C8orf34: variants seen among roughly 807,000 people sequenced by gnomAD.
C8orf34 encodes the protein uncharacterized protein C8orf34.
In C8orf34, 65 loss-of-function variants were observed where a neutral mutation model predicts 68.3. The ratio of observed to expected loss-of-function variants is 0.95; its 90% CI spans 0.78 to 1.17. The LOEUF is 1.17. C8orf34 is among the 50% of genes most tolerant of loss of function. C8orf34 has a pLI of 0.00. For synonymous variants in C8orf34, 244 were observed against 241.2 expected (o/e 1.01, Z -0.11); for missense variants, 664 against 655.4 (o/e 1.01, Z -0.14).
At chr8:68,458,736 G>A (rs1028943293) in intron 3 of C8orf34, among the ~76,000 whole-genome samples, 8 of 152,132 alleles carry the variant, frequency 5.3e-5, no homozygotes, top group African/African-American at 1.2e-4. Context: ...CATGGGCCTC[G>A]AAGTGTTTTC....
intron 1 of C8orf34, among the ~76,000 whole-genome samples, chr8:68,385,673 A>G (rs1808229474): frequency 6.6e-6 from 1 of 152,106 alleles, no homozygotes; most frequent in African/African-American, 2.4e-5. Context: ...TTTCCAGACA[A>G]TTGGAAAAGC....
chr8:68,422,640 G>A (rs1257696129), intron 1 of C8orf34, among the ~76,000 whole-genome samples: 1 of 152,206 alleles, frequency 6.6e-6, no homozygotes, highest in Admixed American at 6.5e-5. Context: ...GGGGTCTGGT[G>A]GATGGTAGCC....
intron 7 of C8orf34, among the ~76,000 whole-genome samples, chr8:68,589,418 G>T (rs1173711545): frequency 6.7e-6 from 1 of 149,880 alleles, no homozygotes; most frequent in East Asian, 2.0e-4. Flanking sequence ...AATAAGAGGT[G>T]GGAGAGAAAA....
At chr8:68,738,353 A>C (rs1236391800) in intron 10 of C8orf34, among the ~76,000 whole-genome samples, 1 of 152,092 alleles carries the variant, frequency 6.6e-6, no homozygotes, top group African/African-American at 2.4e-5. Context: ...AGTTAGAAAG[A>C]TCTCAATTTA....
intron 7 of C8orf34, among the ~76,000 whole-genome samples, chr8:68,552,825 G>A (rs1462567049): frequency 7.4e-6 from 1 of 135,906 alleles, no homozygotes; most frequent in African/African-American, 2.7e-5. Context: ...AGATGATCAT[G>A]TGGTTTTTAT....
At chr8:68,383,442 A>T (rs967799319) in intron 1 of C8orf34, among the ~76,000 whole-genome samples, 3 of 152,136 alleles carry the variant, frequency 2.0e-5, no homozygotes, top group African/African-American at 7.2e-5. Context: ...CCCATCATGA[A>T]ATTTTTCTTC....
chr8:68,769,601 C>T (rs995042397), intron 10 of C8orf34, among the ~76,000 whole-genome samples: 2 of 152,102 alleles, frequency 1.3e-5, no homozygotes, highest in African/African-American at 4.8e-5. Context: ...GAGTTTATTG[C>T]ACATTCAGCA....
chr8:68,794,269 T>C (rs1254058614), intron 12 of C8orf34, among the ~76,000 whole-genome samples: 1 of 151,256 alleles, frequency 6.6e-6, no homozygotes, highest in Non-Finnish European at 1.5e-5. Flanking sequence ...CCTCCAGGGC[T>C]CAAGCGATCC....
chr8:68,534,665 C>T (rs1815386899), intron 7 of C8orf34: 1 of 985,464 alleles, frequency 1.0e-6, no homozygotes, highest in Non-Finnish European at 1.2e-6. Flanking sequence ...GGTTTGCTCA[C>T]GTAGGTATGG....
At chr8:68,811,069 T>C (rs890802329) in intron 12 of C8orf34, among the ~76,000 whole-genome samples, 18 of 152,178 alleles carry the variant, frequency 1.2e-4, no homozygotes, top group African/African-American at 3.1e-4. Flanking sequence ...ACGGTGCCCA[T>C]GGTGCCCAGG....
At chr8:68,480,430 G>T (rs1310590171) in intron 4 of C8orf34, among the ~76,000 whole-genome samples, 1 of 152,170 alleles carries the variant, frequency 6.6e-6, no homozygotes, top group African/African-American at 2.4e-5. Flanking sequence ...ACAGTAAATT[G>T]TTACTGAGAG....
Position 68,607,588 on chromosome 8 carries a change from C to T in C8orf34, c.1106-32788C>T, listed in dbSNP as rs546759350. Among the ~76,000 whole-genome samples the T allele has an allele frequency of 2.6e-5, 4 of 152,198 alleles. No individual in the cohort carries two copies. In the South Asian group the frequency reaches 8.3e-4, roughly 32 times the overall value. Reference sequence around the variant, plus strand: ...CATTCTAAGGTACTGGGAGTTAGGACTTCAACATATGAAATTTGGGGAAAA... The same window carrying T: ...CATTCTAAGGTACTGGGAGTTAGGATTTCAACATATGAAATTTGGGGAAAA... On this transcript the variant is annotated intron_variant, in intron 7 of 13. Transcript: ENST00000518698.
intron 1 of C8orf34, among the ~76,000 whole-genome samples, chr8:68,397,258 C>G (rs1026174142): frequency 6.6e-6 from 1 of 152,070 alleles, no homozygotes; most frequent in African/African-American, 2.4e-5. Flanking sequence ...CCCCTCTCAG[C>G]TTCCCAAAGT....
intron 7 of C8orf34, among the ~76,000 whole-genome samples, chr8:68,617,647 G>T (rs1586459720): frequency 6.6e-6 from 1 of 152,240 alleles, no homozygotes. Flanking sequence ...TTTCTGCTGA[G>T]AGATCCGCTG....
intron 8 of C8orf34, among the ~76,000 whole-genome samples, chr8:68,643,891 A>C (rs1251381087): frequency 1.3e-5 from 2 of 152,182 alleles, no homozygotes; most frequent in South Asian, 2.1e-4. Context: ...TATTCTGGAA[A>C]TACTTCACAG....
chr8:68,783,375 G>C (rs1305543218), intron 11 of C8orf34, among the ~76,000 whole-genome samples: 3 of 152,036 alleles, frequency 2.0e-5, no homozygotes, highest in African/African-American at 7.2e-5. Context: ...AAAATTATCT[G>C]AGCATGGAGG....
At chr8:68,715,880 G>T (rs1341154989) in intron 9 of C8orf34, among the ~76,000 whole-genome samples, 4 of 152,120 alleles carry the variant, frequency 2.6e-5, no homozygotes, top group Non-Finnish European at 5.9e-5. Context: ...GTTTATAACA[G>T]CATAATTTGC....
intron 8 of C8orf34, among the ~76,000 whole-genome samples, chr8:68,644,829 G>A (rs1163420588): frequency 3.3e-5 from 5 of 152,218 alleles, no homozygotes; most frequent in African/African-American, 1.2e-4. Context: ...AGACCAACAT[G>A]TAGAGAAATG....
At chr8:68,589,815 G>C (rs1011006118) in intron 7 of C8orf34, among the ~76,000 whole-genome samples, 1 of 140,850 alleles carries the variant, frequency 7.1e-6, no homozygotes, top group Non-Finnish European at 1.6e-5. Flanking sequence ...AAGGAGGGAG[G>C]GAAGGGGAAG....
Sources: allele counts gnomAD v4.1 joint callset (sites outside exome capture counted in the v4.1 genomes callset), GRCh38; gene constraint gnomAD v4.1.1; transcripts MANE v1.5; gene names NCBI Gene and HGNC (gene_info 2026-07-23, HGNC 2026-07-21).